The following GBF1 variants were observed in gnomAD, a reference collection of about 807,000 sequenced individuals.
GBF1 encodes the protein Golgi-specific brefeldin A-resistance guanine nucleotide exchange factor 1.
GBF1 carries 114 observed loss-of-function variants against 210.5 expected under a neutral mutation model. The observed-to-expected ratio is 0.54, with a 90% CI of 0.47 to 0.63. The LOEUF (loss-of-function observed/expected upper bound fraction) is 0.63. GBF1 is among the 30% of genes least tolerant of loss of function. The pLI is 0.00. For missense variants in GBF1, 1,851 were observed against 2,357.7 expected, an observed-to-expected ratio of 0.79 and a Z score of 4.45; for synonymous variants, 850 against 889.2, an observed-to-expected ratio of 0.96 and a Z score of 0.78.
intron 13 of GBF1, 200 bp downstream of exon 13, chr10:102,361,320 G>A: frequency 1.7e-6 from 1 of 573,052 alleles, no homozygotes; most frequent in Non-Finnish European, 3.1e-6. Flanking sequence ...GAAACTGGCT[G>A]ACCCCAAATA....
intron 29 of GBF1, among the ~76,000 whole-genome samples, chr10:102,373,289 A>C (rs776524619): frequency 3.3e-5 from 5 of 152,230 alleles, no homozygotes; most frequent in African/African-American, 7.2e-5. Flanking sequence ...GAGTACTGCA[A>C]ACTAAAACCA....
rs190381307 is a variant in GBF1 at position 102,365,340 on chromosome 10, G to A, written c.2107-57G>A. On this transcript the variant is annotated intron_variant, in intron 17 of 39. Transcript: ENST00000369983. Reference sequence around the variant, plus strand: ...GGTGGGCTATGGTGGACTCCAGGCTGGCCTTGTCTAATTTAGAGGCAAAGT... The same window carrying A: ...GGTGGGCTATGGTGGACTCCAGGCTAGCCTTGTCTAATTTAGAGGCAAAGT... The A allele has an allele frequency of 5.2e-4, 701 of 1,353,500 alleles. 2 individuals are homozygous for A. The highest frequency in any genetic ancestry group is 6.8e-4 in the Non-Finnish European group (652 of 952,696). 83.8% of individuals were successfully genotyped at this position (1,353,500 alleles called of 1,614,324 possible).
At chr10:102,314,141 C>CT (rs753694140) in intron 3 of GBF1, among the ~76,000 whole-genome samples, 56,485 of 119,872 alleles carry the variant, frequency 0.47, 15,314 homozygotes, top group Non-Finnish European at 0.57. Context: ...TTAAACATAT[C>CT]TTTTTTTTTT....
chr10:102,275,299 CAT>C (rs1565045610), intron 3 of GBF1, among the ~76,000 whole-genome samples: 2 of 152,152 alleles, frequency 1.3e-5, no homozygotes, highest in Admixed American at 6.5e-5. Context: ...CCAAGGGTCT[CAT>C]GTGAGGAAAG....
intron 3 of GBF1, 25 bp downstream of exon 3, chr10:102,260,141 T>G: frequency 2.5e-6 from 3 of 1,176,614 alleles, no homozygotes; most frequent in Non-Finnish European, 3.8e-6. Flanking sequence ...GTATGTGGAT[T>G]ACTAATCTTG....
At chr10:102,289,088 G>A (rs2076224712) in intron 3 of GBF1, among the ~76,000 whole-genome samples, 1 of 145,760 alleles carries the variant, frequency 6.9e-6, no homozygotes, top group Non-Finnish European at 1.5e-5. Flanking sequence ...GGGTGACAGA[G>A]CAAAGACTCT....
In GBF1 at chr10:102,344,062, A is replaced by G; in HGVS notation, c.175A>G (p.Ile59Val). ...GTATTTTCTTGCAGAACTCTCAGAA[A>G]TTGAGCCCAATGTATTCCTTCGACC... ...VLNSITELSE[I>V]EPNVFLRPFL... Residue 59 changes from isoleucine to valine, a missense_variant, in exon 4 of 40, where the codon ATT becomes GTT. Physicochemically the swap from Ile to Val is conservative, Grantham distance 29 (BLOSUM62 3). Transcript: ENST00000369983. 1 of 1,612,894 alleles carries G rather than the reference A, an allele frequency of 6.2e-7. No individual in the cohort carries two copies. The highest frequency in any genetic ancestry group is 8.5e-7 in the Non-Finnish European group (1 of 1,178,890).
At chr10:102,326,226 A>G (rs1207374302) in intron 3 of GBF1, among the ~76,000 whole-genome samples, 1 of 152,234 alleles carries the variant, frequency 6.6e-6, no homozygotes, top group Non-Finnish European at 1.5e-5. Flanking sequence ...TCTAAATTGG[A>G]ATGCTGATCA....
At chr10:102,241,876 G>C (rs2070547632), upstream of GBF1, among the ~76,000 whole-genome samples, 1 of 152,246 alleles carries the variant, frequency 6.6e-6, no homozygotes, top group Non-Finnish European at 1.5e-5. This position sits in a 1 kb window ranked among gnomAD's most constrained non-coding sequence, Gnocchi z 6.7. Context: ...GCTACCCCGA[G>C]GAAAGTGGAT....
At chr10:102,279,949 C>G (rs930238805) in intron 3 of GBF1, among the ~76,000 whole-genome samples, 11 of 152,042 alleles carry the variant, frequency 7.2e-5, no homozygotes, top group Non-Finnish European at 1.3e-4. Flanking sequence ...GAGACCTCAT[C>G]TCTACTAAAT....
In GBF1 at chr10:102,298,895, G is replaced by A. The variant is rs145123871; in HGVS notation, c.163+38779G>A. ...CTTGACTATTCTCATCCTCATTTTT[G>A]GTAAATATGAAACTCATTTGTTCTG... is the stretch of plus-strand genomic sequence containing the variant. On this transcript the variant is annotated intron_variant, in intron 3 of 39. Coordinates refer to ENST00000369983, the MANE Select transcript of GBF1 (RefSeq NM_001377137.1). 2.0e-5 allele frequency among the ~76,000 whole-genome samples: 3 copies of A among 152,146 alleles called. No homozygotes were observed. In the East Asian group the frequency reaches 5.8e-4, roughly 29 times the overall value.
Position 102,273,546 on chromosome 10 carries a change from T to G in GBF1, c.163+13430T>G, listed in dbSNP as rs76522842. ...ATGTACTCCTGTTCTAGCACTGGTTTGAATTTGTCTGTCTGCAATGTTATT... is the reference window on the plus strand; with the variant it reads ...ATGTACTCCTGTTCTAGCACTGGTTGGAATTTGTCTGTCTGCAATGTTATT... On this transcript the variant is annotated intron_variant, in intron 3 of 39. Transcript: ENST00000369983. Among the ~76,000 whole-genome samples the G allele has an allele frequency of 2.4e-4, 36 of 152,330 alleles. 1 individual carries two copies. The East Asian group carries it at 6.9e-3, about 29-fold the overall frequency.
the GBF1 span, among the ~76,000 whole-genome samples, chr10:102,233,544 TCTGCCTGCCTCGGCCTCCCAAAGTG>T: frequency 6.6e-6 from 1 of 152,164 alleles, no homozygotes; most frequent in African/African-American, 2.4e-5. Context: ...TCGCAGGTGA[TCTGCCTGCCTCGGCCTCCCAAAGTG>T]CTGGAATTAC....
At chr10:102,293,768 T>TTTTTTC (rs2076656520) in intron 3 of GBF1, among the ~76,000 whole-genome samples, 1 of 21,746 alleles carries the variant, frequency 4.6e-5, no homozygotes, top group Non-Finnish European at 1.0e-4. Flanking sequence ...TAGTATGTTT[T>TTTTTTC]GTGTTTTTTT....
At chr10:102,257,397 C>T (rs1304881003) in intron 1 of GBF1, among the ~76,000 whole-genome samples, 1 of 152,162 alleles carries the variant, frequency 6.6e-6, no homozygotes, top group African/African-American at 2.4e-5. Context: ...CAGCCTCGAA[C>T]TCCTGAGCTC....
the GBF1 span, among the ~76,000 whole-genome samples, chr10:102,237,472 C>A: frequency 5.9e-5 from 9 of 152,026 alleles, no homozygotes; most frequent in Non-Finnish European, 1.3e-4. Context: ...ACCGAGGGGG[C>A]CTCCAATGGG....
Position 102,317,099 on chromosome 10 carries a change from C to G in GBF1, c.164-26952C>G, listed in dbSNP as rs566677952. Among the ~76,000 whole-genome samples, 19 of 152,070 alleles carry G rather than the reference C, an allele frequency of 1.2e-4. No homozygotes were observed. The South Asian group carries it at 3.5e-3, about 28-fold the overall frequency. On this transcript the variant is annotated intron_variant, in intron 3 of 39. Coordinates refer to ENST00000369983, the MANE Select transcript of GBF1 (RefSeq NM_001377137.1). ...TCTGTGATTTAGGCTGCCCAGTGCC[C>G]CCTTTTTTTTTCTAACTGGCTTTTA...
intron 3 of GBF1, among the ~76,000 whole-genome samples, chr10:102,268,675 A>G (rs1425214260): frequency 1.3e-5 from 2 of 152,182 alleles, no homozygotes; most frequent in Non-Finnish European, 2.9e-5. Context: ...GGGTTTCAGA[A>G]GAAGCCAAAT....
chr10:102,327,607 CT>C (rs554073862), intron 3 of GBF1, among the ~76,000 whole-genome samples: 6 of 152,238 alleles, frequency 3.9e-5, no homozygotes, highest in Admixed American at 1.3e-4. Flanking sequence ...ATTCTTATTT[CT>C]TTCTGGATTT....
Sources: allele counts gnomAD v4.1 joint callset (sites outside exome capture counted in the v4.1 genomes callset), GRCh38; gene constraint gnomAD v4.1.1; non-coding constraint Gnocchi (gnomAD v3.1); transcripts MANE v1.5; gene names NCBI Gene and HGNC (gene_info 2026-07-23, HGNC 2026-07-21).